Variants in KCNIP1 observed in about 807,000 individuals in gnomAD.
The protein encoded by KCNIP1 is potassium voltage-gated channel interacting protein 1.
KCNIP1 carries 18 observed loss-of-function variants against 33.0 expected under a neutral mutation model. The ratio of observed to expected loss-of-function variants is 0.55; its 90% CI spans 0.38 to 0.81. KCNIP1 has a LOEUF of 0.81. Among genes scored for constraint, KCNIP1 ranks in the 30% least tolerant of loss-of-function variants. The pLI, the probability that KCNIP1 is intolerant of heterozygous loss-of-function variation, is 0.00. For missense variants in KCNIP1, 238 were observed against 271.6 expected (o/e 0.88, Z 0.87); for synonymous variants, 93 against 98.3 (o/e 0.95, Z 0.32).
At chr5:170,464,753 C>T (rs528950009) in intron 1 of KCNIP1, among the ~76,000 whole-genome samples, 1 of 152,300 alleles carries the variant, frequency 6.6e-6, no homozygotes, top group East Asian at 1.9e-4. Context: ...TTCTTCGACA[C>T]AGGACCTGTG....
At chr5:170,420,159 C>A (rs1755444454) in intron 1 of KCNIP1, among the ~76,000 whole-genome samples, 1 of 152,100 alleles carries the variant, frequency 6.6e-6, no homozygotes, top group African/African-American at 2.4e-5. Context: ...GAGGCTTGAA[C>A]AACACAGGTT....
At chr5:170,361,169 C>T (rs541508740) in intron 1 of KCNIP1, among the ~76,000 whole-genome samples, 2 of 152,352 alleles carry the variant, frequency 1.3e-5, no homozygotes, top group East Asian at 1.9e-4. Context: ...GGTTCTTCCC[C>T]GTTGTCCACC....
At chr5:170,681,299 C>T (rs1762335838) in intron 1 of KCNIP1, 4 of 393,042 alleles carry the variant, frequency 1.0e-5, no homozygotes, top group Non-Finnish European at 1.3e-5. Context: ...TTGAAAAAGC[C>T]GGGCTGAAAC....
chr5:170,583,299 A>G lies in KCNIP1; in HGVS notation c.61+78666A>G, dbSNP rs140724270. 1.4e-3 allele frequency among the ~76,000 whole-genome samples: 220 copies of G among 152,304 alleles called. 5 individuals are homozygous for G. In the East Asian group the frequency reaches 0.039, roughly 27 times the overall value. ...CCTCTCTGTTACCTCTGTATCCTCC[A>G]AGTACATGATATACCTCTACAGCTC... On this transcript the variant is annotated intron_variant, in intron 1 of 7. Transcript: ENST00000328939.
chr5:170,734,111 G>T (rs1202739085), intron 7 of KCNIP1, among the ~76,000 whole-genome samples: 3 of 152,116 alleles, frequency 2.0e-5, no homozygotes, highest in Non-Finnish European at 2.9e-5. Flanking sequence ...TGAACAGAGA[G>T]CCTAAGTAGG....
chr5:170,440,665 A>G (rs1473383359), intron 1 of KCNIP1, among the ~76,000 whole-genome samples: 2 of 152,198 alleles, frequency 1.3e-5, no homozygotes, highest in African/African-American at 4.8e-5. Context: ...TGACAGAATT[A>G]GAACACAGAG....
chr5:170,481,169 C>T (rs1400411878), intron 1 of KCNIP1, among the ~76,000 whole-genome samples: 1 of 152,206 alleles, frequency 6.6e-6, no homozygotes, highest in African/African-American at 2.4e-5. Context: ...GAGGAAACCT[C>T]TTTAATCTAG....
At chr5:170,505,583 A>G (rs1427738816) in intron 1 of KCNIP1, among the ~76,000 whole-genome samples, 1 of 152,162 alleles carries the variant, frequency 6.6e-6, no homozygotes, top group Non-Finnish European at 1.5e-5. Flanking sequence ...TACAGGTGGG[A>G]GTTAAGCTCC....
chr5:170,525,546 G>T (rs893783826), intron 1 of KCNIP1, among the ~76,000 whole-genome samples: 2 of 152,368 alleles, frequency 1.3e-5, no homozygotes, highest in Admixed American at 6.5e-5. Context: ...GAAGACCTCT[G>T]TGAGAACCCT....
upstream of KCNIP1, among the ~76,000 whole-genome samples, chr5:170,501,277 A>G (rs1757405179): frequency 6.6e-6 from 1 of 152,096 alleles, no homozygotes; most frequent in Non-Finnish European, 1.5e-5. Context: ...AAGGAGAAAG[A>G]GGTGAGGAAC....
intron 1 of KCNIP1, among the ~76,000 whole-genome samples, chr5:170,632,701 C>T (rs1760102254): frequency 6.6e-6 from 1 of 152,256 alleles, no homozygotes; most frequent in Non-Finnish European, 1.5e-5. Flanking sequence ...GCTGTGCCTT[C>T]TCTGGGGGGA....
intron 7 of KCNIP1, among the ~76,000 whole-genome samples, chr5:170,734,540 C>T (rs1764316317): frequency 6.6e-6 from 1 of 152,190 alleles, no homozygotes; most frequent in African/African-American, 2.4e-5. Context: ...ATCCTGGGAA[C>T]ACAACTTTCA....
chr5:170,695,556 A>G (rs73319399), intron 1 of KCNIP1, among the ~76,000 whole-genome samples: 3,147 of 152,334 alleles, frequency 0.021, 116 homozygotes, highest in African/African-American at 0.071. Context: ...TACTTGATTC[A>G]TTCACATTGC....
At chr5:170,699,390 C>T (rs750216136) in intron 1 of KCNIP1, among the ~76,000 whole-genome samples, 3 of 152,036 alleles carry the variant, frequency 2.0e-5, no homozygotes, top group Admixed American at 6.6e-5. Context: ...AGGGTCCCCA[C>T]GTCTCGGATC....
intron 1 of KCNIP1, among the ~76,000 whole-genome samples, chr5:170,668,705 C>T (rs778183002): frequency 1.1e-4 from 16 of 152,138 alleles, no homozygotes; most frequent in Admixed American, 2.0e-4. Flanking sequence ...CTAATCTCTT[C>T]GAGACACTAA....
chr5:170,405,020 A>T (rs1754999442), intron 1 of KCNIP1, among the ~76,000 whole-genome samples: 1 of 152,164 alleles, frequency 6.6e-6, no homozygotes, highest in South Asian at 2.1e-4. Context: ...GCAGACAGGT[A>T]TTTCTGTAAT....
chr5:170,508,906 T>TA (rs1754823552), intron 1 of KCNIP1, among the ~76,000 whole-genome samples: 1 of 152,132 alleles, frequency 6.6e-6, no homozygotes, highest in Non-Finnish European at 1.5e-5. Flanking sequence ...ACGGAGGTGT[T>TA]AACCCCCTTT....
chr5:170,637,981 C>T (rs1184969029), intron 1 of KCNIP1, among the ~76,000 whole-genome samples: 2 of 150,676 alleles, frequency 1.3e-5, no homozygotes, highest in Non-Finnish European at 3.0e-5. Context: ...CTCCACCCTC[C>T]CAGTTCAGCT....
intron 1 of KCNIP1, among the ~76,000 whole-genome samples, chr5:170,547,243 T>G (rs892649052): frequency 2.6e-5 from 4 of 152,254 alleles, no homozygotes; most frequent in African/African-American, 9.6e-5. Context: ...CATCTTATCA[T>G]CGTCTTCCAT....
Sources: gnomAD v4.1 joint callset for allele counts (sites outside exome capture counted in the v4.1 genomes callset) on GRCh38, gnomAD v4.1.1 for gene constraint, MANE v1.5 for transcripts, NCBI Gene and HGNC (gene_info 2026-07-23, HGNC 2026-07-21) for gene names.